ANKRD30B: variants seen among roughly 807,000 people sequenced by gnomAD.
ANKRD30B encodes ankyrin repeat domain 30B.
ANKRD30B carries 144 observed loss-of-function variants against 202.2 expected under a neutral mutation model. The ratio of observed to expected loss-of-function variants is 0.71; its 90% CI spans 0.62 to 0.82. ANKRD30B has a LOEUF of 0.82. ANKRD30B is among the 40% of genes least tolerant of loss of function. The pLI, the probability that ANKRD30B is intolerant of heterozygous loss-of-function variation, is 0.00. For synonymous variants in ANKRD30B, 508 were observed against 561.3 expected, an observed-to-expected ratio of 0.91 and a Z score of 1.34; for missense variants, 1,487 against 1,669.1, an observed-to-expected ratio of 0.89 and a Z score of 1.90.
chr18:14,939,859 C>T, the ANKRD30B span, among the ~76,000 whole-genome samples: 2 of 152,234 alleles, frequency 1.3e-5, no homozygotes, highest in Admixed American at 6.5e-5. Context: ...ATACCCGCGT[C>T]CAGCGTAACT....
the ANKRD30B span, among the ~76,000 whole-genome samples, chr18:14,938,324 T>C: frequency 1.4e-4 from 21 of 152,370 alleles, no homozygotes; most frequent in Middle Eastern, 3.4e-3. Context: ...AGTATTCTCT[T>C]CTTTTCCCAC....
intron 16 of ANKRD30B, among the ~76,000 whole-genome samples, chr18:14,795,164 A>G (rs1223394735): frequency 6.6e-6 from 1 of 152,252 alleles, no homozygotes; most frequent in African/African-American, 2.4e-5. Flanking sequence ...AGTCTCTGGA[A>G]ATTGACATCT....
the ANKRD30B span, among the ~76,000 whole-genome samples, chr18:14,875,049 A>T: frequency 1.3e-5 from 2 of 152,146 alleles, no homozygotes; most frequent in Non-Finnish European, 2.9e-5. Flanking sequence ...GGGGAGTGTG[A>T]GTGAAATATG....
intron 15 of ANKRD30B, among the ~76,000 whole-genome samples, chr18:14,788,891 G>T (rs1460547681): frequency 6.6e-6 from 1 of 152,130 alleles, no homozygotes; most frequent in South Asian, 2.1e-4. Flanking sequence ...ATGATTTATA[G>T]TCCTTTGGGT....
chr18:14,783,588 A>T (rs1448694447), intron 12 of ANKRD30B, among the ~76,000 whole-genome samples: 5 of 152,164 alleles, frequency 3.3e-5, no homozygotes, highest in Non-Finnish European at 7.4e-5. Context: ...CTGAATTTAT[A>T]CTTGAATAAT....
chr18:14,782,662 T>C, intron 12 of ANKRD30B, 48 bp downstream of exon 12: 1 of 1,263,380 alleles, frequency 7.9e-7, no homozygotes, highest in Non-Finnish European at 1.1e-6. Flanking sequence ...TATGTTTGTC[T>C]AAACGCATGA....
intron 36 of ANKRD30B, 129 bp downstream of exon 36, chr18:14,837,805 G>A: frequency 9.0e-7 from 1 of 1,110,730 alleles, no homozygotes; most frequent in Non-Finnish European, 1.2e-6. Context: ...CACGAGGTCA[G>A]GAGATCGAGA....
chr18:14,763,433 G>C (rs1915574405), intron 6 of ANKRD30B, among the ~76,000 whole-genome samples: 1 of 152,086 alleles, frequency 6.6e-6, no homozygotes, highest in Admixed American at 6.6e-5. Flanking sequence ...TGTAATCCCA[G>C]CTACTTGGGA....
chr18:14,880,994 G>A, the ANKRD30B span, among the ~76,000 whole-genome samples: 22 of 152,240 alleles, frequency 1.4e-4, no homozygotes, highest in South Asian at 6.2e-4. Context: ...AGAGGAGTCC[G>A]TAGGGTTCTC....
At chr18:14,799,949 G>A (rs1338984261) in intron 22 of ANKRD30B, among the ~76,000 whole-genome samples, 4 of 152,006 alleles carry the variant, frequency 2.6e-5, no homozygotes, top group African/African-American at 9.7e-5. Context: ...TGTTACAACA[G>A]GCTGTGCACG....
the ANKRD30B span, among the ~76,000 whole-genome samples, chr18:14,879,505 A>G: frequency 6.6e-6 from 1 of 152,204 alleles, no homozygotes; most frequent in Non-Finnish European, 1.5e-5. Context: ...CATAACAATC[A>G]ACATTGACAT....
chr18:14,767,841 C>T (rs937839224), intron 7 of ANKRD30B, among the ~76,000 whole-genome samples: 1 of 152,130 alleles, frequency 6.6e-6, no homozygotes, highest in Non-Finnish European at 1.5e-5. Context: ...TTCTAGAATT[C>T]CCCATTTAAT....
intron 10 of ANKRD30B, among the ~76,000 whole-genome samples, chr18:14,778,970 C>A (rs568126094): frequency 6.6e-6 from 1 of 151,982 alleles, no homozygotes; most frequent in Admixed American, 6.5e-5. Flanking sequence ...TCAGATACTA[C>A]CCCTAAACAA....
At chr18:14,930,523 G>C in the ANKRD30B span, among the ~76,000 whole-genome samples, 1 of 152,120 alleles carries the variant, frequency 6.6e-6, no homozygotes, top group Admixed American at 6.5e-5. Context: ...GGAGAGTGTG[G>C]GATGTGAATT....
intron 9 of ANKRD30B, among the ~76,000 whole-genome samples, chr18:14,773,822 A>G (rs1339251072): frequency 6.6e-6 from 1 of 151,954 alleles, no homozygotes; most frequent in Non-Finnish European, 1.5e-5. Flanking sequence ...TGCACAGTTA[A>G]TTTTTGTAAT....
At chr18:14,822,756 A>C (rs1367019761) in intron 32 of ANKRD30B, 79 bp downstream of exon 32, 3 of 1,311,984 alleles carry the variant, frequency 2.3e-6, no homozygotes, top group Non-Finnish European at 3.1e-6. Context: ...TTTTATTCCC[A>C]ATGTTGTTTT....
At position 14,851,869 on chromosome 18, in the gene ANKRD30B, G is replaced by A. The variant is rs748761498; in HGVS notation, c.3925G>A (p.Asp1309Asn). The change falls in exon 42 of 44, where the codon GAT (aspartate) becomes AAT (asparagine). Residue 1309 changes from aspartate to asparagine, a missense_variant. This residue lies in a region of ANKRD30B where 182 missense variants were observed against 216.0 expected (regional missense o/e 0.84). Coordinates refer to ENST00000690538, the MANE Select transcript of ANKRD30B (RefSeq NM_001367607.2). ...PRLASALQDH[D>N]QSVTSRKNQE... is the part of the protein sequence containing the mutation. ...ACTGGCTTCTGCTTTACAAGACCAT[G>A]ATCAAAGTGTCACATCAAGAAAAAA... 51 of 1,587,858 alleles carry A rather than the reference G, an allele frequency of 3.2e-5. No homozygotes were observed. Among genetic ancestry groups the A allele is most frequent in the Non-Finnish European group, 3.9e-5 (46 of 1,166,298 alleles).
At chr18:14,764,226 T>A in intron 7 of ANKRD30B, 136 bp downstream of exon 7, 1 of 873,716 alleles carries the variant, frequency 1.1e-6, no homozygotes, top group Non-Finnish European at 1.7e-6. Flanking sequence ...TTTAATAGTG[T>A]AGAAATAAAT....
the ANKRD30B span, among the ~76,000 whole-genome samples, chr18:14,894,481 G>A: frequency 0.99 from 150,886 of 152,042 alleles, 74,878 homozygotes; most frequent in Middle Eastern, 1. Context: ...AAAGCTTTAT[G>A]TTTAAAGTTT....
Sources: allele counts gnomAD v4.1 joint callset (sites outside exome capture counted in the v4.1 genomes callset), GRCh38; gene constraint gnomAD v4.1.1; regional missense constraint gnomAD v4.1.1; transcripts MANE v1.5; gene names NCBI Gene and HGNC (gene_info 2026-07-23, HGNC 2026-07-21).